The following NCALD variants were observed in gnomAD, a reference collection of about 807,000 sequenced individuals.
NCALD encodes neurocalcin-delta.
Under a neutral mutation model 18.6 loss-of-function variants are expected in NCALD, and 10 were observed. That is an observed-to-expected ratio of 0.54 (90% CI 0.33 to 0.91). The LOEUF is 0.91. Among genes scored for constraint, NCALD ranks in the 40% least tolerant of loss-of-function variants. NCALD has a pLI of 0.03. For synonymous variants in NCALD, 88 were observed against 87.4 expected (o/e 1.01, Z -0.04); for missense variants, 184 against 247.6 (o/e 0.74, Z 1.72).
intron 1 of NCALD, among the ~76,000 whole-genome samples, chr8:102,059,661 G>A (rs1358898861): frequency 3.3e-5 from 5 of 152,220 alleles, no homozygotes; most frequent in Admixed American, 6.5e-5. Context: ...TTTAGGAAAG[G>A]AAAAGATTGA....
intron 2 of NCALD, among the ~76,000 whole-genome samples, chr8:101,945,648 T>A (rs1819140474): frequency 6.6e-6 from 1 of 152,192 alleles, no homozygotes; most frequent in Non-Finnish European, 1.5e-5. Flanking sequence ...CGAACCCATG[T>A]CACCTCCAAC....
chr8:101,717,569 A>G (rs1340666019), intron 2 of NCALD, among the ~76,000 whole-genome samples: 1 of 152,234 alleles, frequency 6.6e-6, no homozygotes, highest in African/African-American at 2.4e-5. Flanking sequence ...CCTGGTCCAC[A>G]GCTTGCCCCC....
intron 3 of NCALD, among the ~76,000 whole-genome samples, chr8:101,900,579 T>C (rs1817382927): frequency 6.6e-6 from 1 of 151,974 alleles, no homozygotes; most frequent in Non-Finnish European, 1.5e-5. Context: ...TTAACGTATT[T>C]TTTTATTTCT....
At chr8:101,832,061 T>TG (rs1374044491) in intron 4 of NCALD, among the ~76,000 whole-genome samples, 1 of 152,204 alleles carries the variant, frequency 6.6e-6, no homozygotes, top group Non-Finnish European at 1.5e-5. Context: ...GCTTGACTCT[T>TG]GGAGAGAAAA....
At chr8:101,879,360 G>A (rs1284844642) in intron 4 of NCALD, among the ~76,000 whole-genome samples, 1 of 152,188 alleles carries the variant, frequency 6.6e-6, no homozygotes, top group Non-Finnish European at 1.5e-5. Flanking sequence ...TGAAGCTGCA[G>A]ACCTTCGCGG....
At chr8:101,916,092 G>A (rs1214383203) in intron 2 of NCALD, among the ~76,000 whole-genome samples, 1 of 152,044 alleles carries the variant, frequency 6.6e-6, no homozygotes, top group Non-Finnish European at 1.5e-5. Context: ...TGAAACAATG[G>A]GAAACCTGGA....
chr8:101,848,124 C>T (rs1814942817), intron 4 of NCALD, among the ~76,000 whole-genome samples: 1 of 151,958 alleles, frequency 6.6e-6, no homozygotes. Flanking sequence ...ATTTTCAAGC[C>T]ATGGAGCCCC....
At chr8:101,981,701 C>T (rs113096498) in intron 2 of NCALD, among the ~76,000 whole-genome samples, 5,154 of 152,266 alleles carry the variant, frequency 0.034, 107 homozygotes, top group African/African-American at 0.057. Flanking sequence ...CTTTTTATGG[C>T]TACATCTGCT....
In NCALD at chr8:101,964,689, A is replaced by G. The variant is rs141004357; in HGVS notation, c.-156-48831T>C. 1.1e-3 allele frequency among the ~76,000 whole-genome samples: 167 copies of G among 152,310 alleles called. 1 individual carries two copies. Among genetic ancestry groups the G allele is most frequent in the Admixed American group, 2.3e-3 (35 of 15,302 alleles). ...TGAGCCAATCTCTGTCACAAATACC[A>G]CATTAAAATGTCTAAACATCTGTCT... On this transcript the variant is annotated intron_variant, in intron 2 of 6. Transcript: ENST00000311028.
At chr8:101,706,134 G>A (rs11782150) in intron 2 of NCALD, among the ~76,000 whole-genome samples, 68,872 of 151,964 alleles carry the variant, frequency 0.45, 18,299 homozygotes, top group Non-Finnish European at 0.6. Flanking sequence ...ATCTAAAAGT[G>A]AAGAGTACCA....
chr8:101,692,724 A>G (rs1814787043), intron 3 of NCALD, 67 bp downstream of exon 3: 3 of 1,499,070 alleles, frequency 2.0e-6, no homozygotes, highest in Admixed American at 3.4e-5. Context: ...GGCACTTCCC[A>G]GTCTGGACTC....
chr8:101,694,784 G>A (rs895476149), intron 2 of NCALD, among the ~76,000 whole-genome samples: 4 of 152,106 alleles, frequency 2.6e-5, no homozygotes, highest in African/African-American at 4.8e-5. Context: ...GGGCTGTAGT[G>A]CCATGTGCCT....
chr8:101,874,250 T>C (rs1024651022), intron 4 of NCALD, among the ~76,000 whole-genome samples: 1 of 152,232 alleles, frequency 6.6e-6, no homozygotes, highest in African/African-American at 2.4e-5. Flanking sequence ...CTGATAGCTG[T>C]ATCTAGACAC....
chr8:101,918,497 C>A (rs1360351621), intron 2 of NCALD, among the ~76,000 whole-genome samples: 1 of 151,920 alleles, frequency 6.6e-6, no homozygotes, highest in Non-Finnish European at 1.5e-5. Context: ...AGCAATCAGG[C>A]AAGAGAAAGA....
chr8:101,735,792 A>T (rs1401645020), intron 1 of NCALD, among the ~76,000 whole-genome samples: 1 of 152,232 alleles, frequency 6.6e-6, no homozygotes, highest in Non-Finnish European at 1.5e-5. Context: ...CATTTGCATC[A>T]GGATTATATT....
At chr8:102,108,024 C>T (rs1825527310) in intron 1 of NCALD, among the ~76,000 whole-genome samples, 1 of 151,998 alleles carries the variant, frequency 6.6e-6, no homozygotes, top group Non-Finnish European at 1.5e-5. Flanking sequence ...TCCTGGTCCC[C>T]ACTTGGCCGC....
chr8:102,108,766 C>A (rs534741488), intron 1 of NCALD, among the ~76,000 whole-genome samples: 2 of 152,230 alleles, frequency 1.3e-5, no homozygotes, highest in Admixed American at 1.3e-4. Context: ...AATAATAATG[C>A]TCCTGGAAGA....
intron 1 of NCALD, among the ~76,000 whole-genome samples, chr8:102,118,013 C>T (rs949641715): frequency 6.6e-6 from 1 of 152,214 alleles, no homozygotes; most frequent in Non-Finnish European, 1.5e-5. Flanking sequence ...CTCAATGCCT[C>T]GGTTCACTTA....
intron 4 of NCALD, among the ~76,000 whole-genome samples, chr8:101,838,703 G>C (rs1157925114): frequency 1.3e-5 from 2 of 152,196 alleles, no homozygotes; most frequent in Non-Finnish European, 2.9e-5. Context: ...GTGCTTCACT[G>C]GAAGGTCACT....
Sources: gnomAD v4.1 joint callset for allele counts (sites outside exome capture counted in the v4.1 genomes callset) on GRCh38, gnomAD v4.1.1 for gene constraint, MANE v1.5 for transcripts, NCBI Gene and HGNC (gene_info 2026-07-23, HGNC 2026-07-21) for gene names.